ZNF236: variants seen among roughly 807,000 people sequenced by gnomAD.
ZNF236 encodes the protein regulated by glucose.
A neutral mutation model predicts 191.2 loss-of-function variants in ZNF236; 50 were observed. The observed-to-expected ratio is 0.26, with a 90% CI of 0.21 to 0.33. The LOEUF (loss-of-function observed/expected upper bound fraction) is 0.33, where lower values mean the gene tolerates loss of function less well. Among genes scored for constraint, ZNF236 ranks in the 10% least tolerant of loss-of-function variants. The pLI, the probability that ZNF236 is intolerant of heterozygous loss-of-function variation, is 1.00. For missense variants in ZNF236, 1,754 were observed against 2,374.5 expected, an observed-to-expected ratio of 0.74 and a Z score of 5.43; for synonymous variants, 907 against 928.8, an observed-to-expected ratio of 0.98 and a Z score of 0.43.
At chr18:76,933,165 CT>C (rs1967902694) in intron 25 of ZNF236, among the ~76,000 whole-genome samples, 1 of 152,112 alleles carries the variant, frequency 6.6e-6, no homozygotes, top group Admixed American at 6.5e-5. Flanking sequence ...TCTTTTAGAC[CT>C]TTTTTTAAAG....
intron 1 of ZNF236, among the ~76,000 whole-genome samples, chr18:76,836,698 C>T (rs990558600): frequency 2.1e-4 from 32 of 152,080 alleles, no homozygotes; most frequent in Admixed American, 1.0e-3. Context: ...CTGCCTCAGC[C>T]TCCCGAGTGG....
At chr18:76,956,704 T>A (rs951850896) in intron 28 of ZNF236, among the ~76,000 whole-genome samples, 7 of 152,216 alleles carry the variant, frequency 4.6e-5, no homozygotes, top group African/African-American at 1.7e-4. Flanking sequence ...AGTGCCCGCA[T>A]GTGGGAAGCA....
intron 4 of ZNF236, 73 bp downstream of exon 4, chr18:76,868,936 C>T (rs1976505488): frequency 2.1e-6 from 3 of 1,427,392 alleles, no homozygotes; most frequent in Admixed American, 2.4e-5. Context: ...TGGTACGACC[C>T]ACTGGAAATA....
chr18:76,862,204 G>A (rs549559250), intron 3 of ZNF236, among the ~76,000 whole-genome samples: 2 of 152,200 alleles, frequency 1.3e-5, no homozygotes, highest in East Asian at 1.9e-4. Context: ...ACACGGTTTT[G>A]AAGAAGCCTG....
At chr18:76,943,076 T>C (rs1179024946) in intron 26 of ZNF236, among the ~76,000 whole-genome samples, 1 of 137,678 alleles carries the variant, frequency 7.3e-6, no homozygotes, top group Non-Finnish European at 1.5e-5. Flanking sequence ...TAAGCCGAGA[T>C]CGTGCCACTG....
chr18:76,896,177 C>T (rs551837471), intron 10 of ZNF236, among the ~76,000 whole-genome samples: 12 of 151,816 alleles, frequency 7.9e-5, no homozygotes, highest in African/African-American at 2.7e-4. Flanking sequence ...AGGGACCACA[C>T]GTGGTACCAA....
intron 1 of ZNF236, among the ~76,000 whole-genome samples, chr18:76,845,647 G>A (rs1599324419): frequency 5.9e-5 from 9 of 152,130 alleles, no homozygotes; most frequent in Admixed American, 3.9e-4. Flanking sequence ...TCAGGAGCTC[G>A]AGACCAGCCT....
chr18:76,839,283 G>A (rs1975415837), intron 1 of ZNF236, among the ~76,000 whole-genome samples: 1 of 152,166 alleles, frequency 6.6e-6, no homozygotes, highest in African/African-American at 2.4e-5. Context: ...CATGTATTTA[G>A]CTTTAGTTGA....
intron 26 of ZNF236, among the ~76,000 whole-genome samples, chr18:76,943,682 C>A (rs1046521172): frequency 1.3e-5 from 2 of 152,148 alleles, no homozygotes; most frequent in African/African-American, 4.8e-5. Context: ...ATTACAGACT[C>A]CTGATGGGAA....
At chr18:76,822,881 C>G (rs1974896158) in intron 1 of ZNF236, among the ~76,000 whole-genome samples, 1 of 147,652 alleles carries the variant, frequency 6.8e-6, no homozygotes. Context: ...CGCGCTGGGC[C>G]TACTTTCCTG....
At chr18:76,892,168 G>GTTTTTTTTTTTTTTT (rs34870901) in intron 9 of ZNF236, among the ~76,000 whole-genome samples, 1 of 52,774 alleles carries the variant, frequency 1.9e-5, no homozygotes, top group Non-Finnish European at 3.4e-5. Flanking sequence ...TTTCTTCTGG[G>GTTTTTTTTTTTTTTT]TTTTTTTTTT....
intron 1 of ZNF236, among the ~76,000 whole-genome samples, chr18:76,830,883 G>A (rs79670218): frequency 0.016 from 2,401 of 152,212 alleles, 29 homozygotes; most frequent in Non-Finnish European, 0.019. Flanking sequence ...AGCTCCTGTT[G>A]AAGACTTGGC....
intron 3 of ZNF236, among the ~76,000 whole-genome samples, chr18:76,856,891 T>A (rs181551119): frequency 6.6e-6 from 1 of 152,348 alleles, no homozygotes; most frequent in African/African-American, 2.4e-5. Context: ...TTCCCAATTC[T>A]AAAATTATTT....
chr18:76,959,905 C>T lies in ZNF236; in HGVS notation c.5242+89C>T, dbSNP rs140646443. 1,025 of 1,428,966 alleles carry T rather than the reference C, an allele frequency of 7.2e-4. 16 individuals carry two copies. In the East Asian group the frequency reaches 0.017, roughly 24 times the overall value. 88.5% of individuals were successfully genotyped at this position (1,428,966 alleles called of 1,614,324 possible). A position where few individuals can be genotyped will look rare whatever the true frequency, so the allele number is the denominator to read the frequency against. Reference sequence around the variant, plus strand: ...CATAATTCCACCTGTGCAATATTCACGAGCGATGGAATGCTTTATTTATAA... The same window carrying T: ...CATAATTCCACCTGTGCAATATTCATGAGCGATGGAATGCTTTATTTATAA... On this transcript the variant is annotated intron_variant, in intron 29 of 30. Transcript: ENST00000320610.
At chr18:76,824,521 G>C in intron 1 of ZNF236, 1 of 771,968 alleles carries the variant, frequency 1.3e-6, no homozygotes, top group South Asian at 1.4e-5. Context: ...TTTTGGCCTT[G>C]ACCTTATTTC....
intron 19 of ZNF236, among the ~76,000 whole-genome samples, 191 bp downstream of exon 19, chr18:76,916,050 A>T (rs1179619650): frequency 1.3e-5 from 2 of 152,230 alleles, no homozygotes; most frequent in Non-Finnish European, 2.9e-5. Flanking sequence ...TCAGAGGTGC[A>T]ATGAAGAAAA....
rs1421132857 is a variant in ZNF236, at chr18:76,919,969, C to T, written c.3468C>T (p.Asp1156=). 3 of 1,613,922 alleles carry T rather than the reference C, an allele frequency of 1.9e-6. No individual in the cohort carries two copies. Among genetic ancestry groups the T allele is most frequent in the Non-Finnish European group, 2.5e-6 (3 of 1,180,044 alleles). The change falls in exon 20 of 31, where the codon GAC becomes GAT. Residue 1156 remains aspartate, a synonymous_variant. Transcript: ENST00000320610. The surrounding 1 kb of genome is among the most constrained non-coding windows in gnomAD (Gnocchi z 5.3). ...AGGACCGCATCAGTGAGCTGAGGGA[C>T]AAGCAGGCGGAGCTGCAGGACGAGC... The part of the protein sequence containing the change: ...AEKDRISELR[D]KQAELQDEPK...
At chr18:76,868,257 A>G (rs1418914673) in intron 3 of ZNF236, among the ~76,000 whole-genome samples, 1 of 152,138 alleles carries the variant, frequency 6.6e-6, no homozygotes, top group Non-Finnish European at 1.5e-5. Context: ...AAAACTTGGA[A>G]GCTGGCATTT....
intron 5 of ZNF236, 67 bp downstream of exon 5, chr18:76,871,892 C>A: frequency 6.3e-7 from 1 of 1,581,958 alleles, no homozygotes; most frequent in Non-Finnish European, 8.7e-7. Context: ...TGCCTTTTTG[C>A]TAGCTCGACT....
Sources: gnomAD v4.1 joint callset for allele counts (sites outside exome capture counted in the v4.1 genomes callset) on GRCh38, gnomAD v4.1.1 for gene constraint, Gnocchi (gnomAD v3.1) non-coding constraint, MANE v1.5 for transcripts, NCBI Gene and HGNC (gene_info 2026-07-23, HGNC 2026-07-21) for gene names.